Variants in CSMD1 observed in about 807,000 individuals in gnomAD.
CSMD1 encodes CUB and Sushi multiple domains 1.
In CSMD1, 213 loss-of-function variants were observed where a neutral mutation model predicts 417.5. That is an observed-to-expected ratio of 0.51 (90% CI 0.46 to 0.57). The LOEUF is 0.57. CSMD1 is among the 20% of genes least tolerant of loss of function. The pLI is 0.00. For synonymous variants in CSMD1, 2,862 were observed against 1,736.8 expected, an observed-to-expected ratio of 1.65 and a Z score of -16.11; for missense variants, 6,923 against 4,529.7, an observed-to-expected ratio of 1.53 and a Z score of -15.17.
intron 2 of CSMD1, among the ~76,000 whole-genome samples, chr8:4,449,386 T>G (rs1358322030): frequency 1.3e-5 from 2 of 152,174 alleles, no homozygotes; most frequent in Admixed American, 1.3e-4. Context: ...GTGTATAACA[T>G]AAGAGATACT....
chr8:4,065,180 G>A (rs921520728), intron 3 of CSMD1, among the ~76,000 whole-genome samples: 4 of 152,112 alleles, frequency 2.6e-5, no homozygotes, highest in African/African-American at 9.7e-5. Context: ...AAACACTTCT[G>A]ATACAAACCA....
chr8:4,272,969 G>A (rs950751622), intron 3 of CSMD1, among the ~76,000 whole-genome samples: 1 of 152,074 alleles, frequency 6.6e-6, no homozygotes, highest in African/African-American at 2.4e-5. Flanking sequence ...TAATTACAAA[G>A]GAAGGAAAAC....
At chr8:4,320,459 T>C (rs1799207061) in intron 3 of CSMD1, among the ~76,000 whole-genome samples, 2 of 152,046 alleles carry the variant, frequency 1.3e-5, no homozygotes. Context: ...TCTGCACCTA[T>C]CAACCTGCGA....
intron 10 of CSMD1, among the ~76,000 whole-genome samples, chr8:3,557,673 T>C (rs1392671851): frequency 2.0e-5 from 3 of 152,168 alleles, no homozygotes; most frequent in African/African-American, 7.2e-5. Context: ...AGCATGGAGA[T>C]AATCATTTTA....
At chr8:3,927,489 A>AC (rs1301953924) in intron 5 of CSMD1, among the ~76,000 whole-genome samples, 1 of 151,778 alleles carries the variant, frequency 6.6e-6, no homozygotes, top group Non-Finnish European at 1.5e-5. Context: ...ACATGGTGAG[A>AC]CCCCATCTCT....
intron 4 of CSMD1, among the ~76,000 whole-genome samples, chr8:4,004,600 C>G (rs1342188570): frequency 2.0e-5 from 3 of 151,866 alleles, no homozygotes; most frequent in Non-Finnish European, 4.4e-5. Flanking sequence ...GATTTTCCTT[C>G]TTTCCTTCAT....
In CSMD1 at chr8:4,181,750, T is replaced by G. The variant is rs191765831; in HGVS notation, c.416-149651A>C. 3.1e-3 allele frequency among the ~76,000 whole-genome samples: 466 copies of G among 152,266 alleles called. 4 individuals are homozygous for G. Among genetic ancestry groups the G allele is most frequent in the African/African-American group, 0.011 (450 of 41,564 alleles). On this transcript the variant is annotated intron_variant, in intron 3 of 69. Transcript: ENST00000635120. The stretch of plus-strand genomic sequence containing the variant: ...AACATAAAACAAAATAAACAACAAT[T>G]CTTATCTTGTCATTGAAATATTACG...
At chr8:4,241,470 C>T (rs566881998) in intron 3 of CSMD1, among the ~76,000 whole-genome samples, 2 of 152,286 alleles carry the variant, frequency 1.3e-5, no homozygotes, top group South Asian at 2.1e-4. Context: ...CTGCAGAAGT[C>T]GCTTCATGCA....
chr8:3,655,846 C>T lies in CSMD1; in HGVS notation c.1010-39049G>A, dbSNP rs73495747. Among the ~76,000 whole-genome samples, 963 of 152,144 alleles carry T rather than the reference C, an allele frequency of 6.3e-3. 11 individuals carry two copies. The highest frequency in any genetic ancestry group is 0.021 in the African/African-American group (891 of 41,498). ...CAGGACTGATGCAAAGACTAGTTGA[C>T]GGAAAACCTGTCAGACTTCATCTTT... On this transcript the variant is annotated intron_variant, in intron 7 of 69. Coordinates refer to ENST00000635120, the MANE Select transcript of CSMD1 (RefSeq NM_033225.6).
chr8:4,561,235 G>A (rs547570451), intron 2 of CSMD1, among the ~76,000 whole-genome samples: 25 of 152,272 alleles, frequency 1.6e-4, no homozygotes, highest in South Asian at 1.0e-3. Flanking sequence ...ACAGTCAGGC[G>A]TGGTAGTGTG....
chr8:3,477,426 G>C (rs936583286), intron 11 of CSMD1, among the ~76,000 whole-genome samples: 17 of 152,308 alleles, frequency 1.1e-4, no homozygotes, highest in Non-Finnish European at 1.9e-4. Flanking sequence ...AGAAAGCAGA[G>C]TTACTTAATT....
intron 11 of CSMD1, among the ~76,000 whole-genome samples, chr8:3,482,780 T>C (rs1024323039): frequency 2.0e-5 from 3 of 152,190 alleles, no homozygotes; most frequent in Non-Finnish European, 2.9e-5. Context: ...AGAGAATTTG[T>C]TCTCTGATCA....
intron 5 of CSMD1, among the ~76,000 whole-genome samples, chr8:3,793,814 C>T (rs1799886304): frequency 6.6e-6 from 1 of 152,136 alleles, no homozygotes; most frequent in African/African-American, 2.4e-5. Context: ...CCCCAGGGCA[C>T]TAAATGTCAG....
At chr8:3,851,886 G>A (rs1303934651) in intron 5 of CSMD1, among the ~76,000 whole-genome samples, 1 of 152,136 alleles carries the variant, frequency 6.6e-6, no homozygotes, top group Non-Finnish European at 1.5e-5. Context: ...TGGGCTCCAT[G>A]GATCAGAGAT....
At chr8:3,221,226 G>A (rs763135899) in intron 28 of CSMD1, among the ~76,000 whole-genome samples, 1 of 152,200 alleles carries the variant, frequency 6.6e-6, no homozygotes, top group Admixed American at 6.6e-5. Context: ...TTGGGTCAAG[G>A]ATACCCTCAC....
intron 7 of CSMD1, among the ~76,000 whole-genome samples, chr8:3,621,921 T>C (rs1196358773): frequency 1.3e-5 from 2 of 152,026 alleles, no homozygotes; most frequent in East Asian, 1.9e-4. Context: ...TGTATGCTTA[T>C]AATGGTTAAA....
intron 3 of CSMD1, among the ~76,000 whole-genome samples, chr8:4,080,378 G>C (rs910137824): frequency 6.6e-6 from 1 of 152,144 alleles, no homozygotes; most frequent in South Asian, 2.1e-4. Flanking sequence ...ACAGGTATCA[G>C]AATTCTACAT....
chr8:4,819,742 C>G (rs927926663), intron 1 of CSMD1, among the ~76,000 whole-genome samples: 1 of 152,032 alleles, frequency 6.6e-6, no homozygotes, highest in Admixed American at 6.6e-5. Context: ...GGAAAATGCT[C>G]ATGTAGAGAG....
intron 1 of CSMD1, among the ~76,000 whole-genome samples, chr8:4,660,769 A>G (rs992353450): frequency 6.6e-6 from 1 of 152,052 alleles, no homozygotes; most frequent in Non-Finnish European, 1.5e-5. Context: ...AACTCTCAAA[A>G]CTCAGCCATA....
Sources: allele counts gnomAD v4.1 joint callset (sites outside exome capture counted in the v4.1 genomes callset), GRCh38; gene constraint gnomAD v4.1.1; transcripts MANE v1.5; gene names NCBI Gene and HGNC (gene_info 2026-07-23, HGNC 2026-07-21).